Variants in FBN1 observed in about 807,000 individuals in gnomAD.
FBN1 encodes the protein fibrillin 1.
FBN1 carries 29 observed loss-of-function variants against 365.1 expected under a neutral mutation model. That is an observed-to-expected ratio of 0.08 (90% CI 0.06 to 0.11). FBN1 has a LOEUF of 0.11. Ranked by LOEUF, FBN1 falls within the 10% of genes least tolerant of loss-of-function variation. The pLI, the probability that FBN1 is intolerant of heterozygous loss-of-function variation, is 1.00. For synonymous variants in FBN1, 1,210 were observed against 1,270.5 expected (o/e 0.95, Z 1.01); for missense variants, 2,476 against 3,703.2 (o/e 0.67, Z 8.60).
At chr15:48,526,968 C>T (rs942864607) in intron 8 of FBN1, among the ~76,000 whole-genome samples, 1 of 152,234 alleles carries the variant, frequency 6.6e-6, no homozygotes, top group Non-Finnish European at 1.5e-5. Context: ...CCTTCCCAGG[C>T]ACCCGACACC....
At position 48,583,988 on chromosome 15, in the gene FBN1, T is replaced by C. The variant is rs201399246; in HGVS notation, c.538+12295A>G. Among the ~76,000 whole-genome samples, 14 of 152,262 alleles carry C rather than the reference T, an allele frequency of 9.2e-5. No homozygotes were observed. The East Asian group carries it at 1.3e-3, about 15-fold the overall frequency. ...TGTTCAAGTAAAATAACAAAACTTC[T>C]AAGTGGAAAAAATGGTCAAAATGAG... On this transcript the variant is annotated intron_variant, in intron 6 of 65. Transcript: ENST00000316623.
chr15:48,600,049 T>C, intron 5 of FBN1, 90 bp downstream of exon 5: 1 of 930,118 alleles, frequency 1.1e-6, no homozygotes. Flanking sequence ...TCCCAGGTAA[T>C]CGAAGAAAAT....
chr15:48,488,470 G>A lies in FBN1; in HGVS notation c.3106C>T (p.Pro1036Ser). 6.2e-7 allele frequency: 1 copy of A among 1,614,056 alleles called. No homozygotes were observed. Among genetic ancestry groups the A allele is most frequent in the East Asian group, 2.2e-5 (1 of 44,884 alleles). ...FKDINECKMI[P>S]SLCTHGKCRN... Reference sequence around the variant, plus strand: ...CACTTGCCGTGGGTGCAGAGGCTGGGTATCATCTTGCACTCATTGATATCT... The same window carrying A: ...CACTTGCCGTGGGTGCAGAGGCTGGATATCATCTTGCACTCATTGATATCT... Residue 1036 changes from proline to serine, a missense_variant, in exon 26 of 66, where the codon CCC becomes TCC. Coordinates refer to ENST00000316623, the MANE Select transcript of FBN1 (RefSeq NM_000138.5).
intron 53 of FBN1, among the ~76,000 whole-genome samples, chr15:48,435,692 A>ATG (rs1421576368): frequency 7.5e-6 from 1 of 133,312 alleles, no homozygotes; most frequent in African/African-American, 2.9e-5. Flanking sequence ...GTGTGTGTGC[A>ATG]TGTGTGTGTG....
chr15:48,453,864 G>T (rs77420063), intron 44 of FBN1, among the ~76,000 whole-genome samples: 1 of 151,812 alleles, frequency 6.6e-6, no homozygotes, highest in African/African-American at 2.4e-5. Context: ...AAGGAAGACC[G>T]AAAGTCCATT....
At chr15:48,543,161 A>T (rs2044071077) in intron 6 of FBN1, among the ~76,000 whole-genome samples, 1 of 152,220 alleles carries the variant, frequency 6.6e-6, no homozygotes, top group South Asian at 2.1e-4. Context: ...AGGAAGGTTG[A>T]TCATCCACTA....
Position 48,483,900 on chromosome 15 carries a change from A to G in FBN1, c.3756T>C (p.Gly1252=). ...ACTCTCCAGGGATATTTGTGCACTG[A>G]CCACCATCACAGATATTGGGATTAT... ...CEDNPNICDG[G]QCTNIPGEYR... Residue 1252 remains glycine (G), a synonymous_variant, in exon 31 of 66, where the codon GGT becomes GGC. Transcript: ENST00000316623. 6.2e-7 allele frequency: 1 copy of G among 1,613,512 alleles called. No homozygotes were observed. Among genetic ancestry groups the G allele is most frequent in the Non-Finnish European group, 8.5e-7 (1 of 1,179,842 alleles).
At position 48,495,458 on chromosome 15, in the gene FBN1, A is replaced by G. The variant is rs1566911690; in HGVS notation, c.2539+11T>C. ...TAAACATAGAAAAATCATTCTCAGA[A>G]AGATAAATACCTATGCAGATGGTTT... On this transcript the variant is annotated intron_variant, in intron 21 of 65. Coordinates refer to ENST00000316623, the MANE Select transcript of FBN1 (RefSeq NM_000138.5). The G allele has an allele frequency of 2.5e-6, 4 of 1,612,328 alleles. No homozygotes were observed. The East Asian group carries it at 8.9e-5, about 36-fold the overall frequency.
At position 48,440,889 on chromosome 15, in the gene FBN1, C is replaced by CA. The variant is rs370399161; in HGVS notation, c.6163+831dup. 8.9e-3 allele frequency among the ~76,000 whole-genome samples: 730 copies of CA among 81,566 alleles called. 4 individuals are homozygous for CA. The highest frequency in any genetic ancestry group is 0.03 in the African/African-American group (702 of 23,632). The allele number at this position is 81,566 out of a possible 152,430, so 53.5% of individuals were successfully genotyped here. A position where few individuals can be genotyped will look rare whatever the true frequency, so the allele number is the denominator to read the frequency against. On this transcript the variant is annotated intron_variant, in intron 50 of 65. Transcript: ENST00000316623. Reference sequence around the variant, plus strand: ...ATATTTGGTAATACGGAAGCAAAACCAAAAAACCATGAAAAAAAAAAAAAA... The same window carrying CA: ...ATATTTGGTAATACGGAAGCAAAACCAAAAAAACCATGAAAAAAAAAAAAAA...
At position 48,635,592 on chromosome 15, in the gene FBN1, G is replaced by A. The variant is rs74014658; in HGVS notation, c.164+9014C>T. On this transcript the variant is annotated intron_variant, in intron 2 of 65. Coordinates refer to ENST00000316623, the MANE Select transcript of FBN1 (RefSeq NM_000138.5). Reference sequence around the variant, plus strand: ...ACATTTGAGGCTATAAATAGAAATTGAAAATAAAATTCCATACAGAAGAAA... The same window carrying A: ...ACATTTGAGGCTATAAATAGAAATTAAAAATAAAATTCCATACAGAAGAAA... Among the ~76,000 whole-genome samples the A allele has an allele frequency of 9.9e-3, 1,502 of 152,188 alleles. 24 individuals are homozygous for A. The highest frequency in any genetic ancestry group is 0.035 in the African/African-American group (1,442 of 41,530).
chr15:48,634,862 C>A (rs868713307), intron 2 of FBN1, among the ~76,000 whole-genome samples: 7 of 59,518 alleles, frequency 1.2e-4, no homozygotes, highest in African/African-American at 7.7e-4. Flanking sequence ...AAAAACCACA[C>A]ACACACACAC....
At chr15:48,445,567 T>G (rs2043152413) in intron 47 of FBN1, 63 bp from the exon 48 acceptor site, 1 of 1,564,364 alleles carries the variant, frequency 6.4e-7, no homozygotes, top group Non-Finnish European at 8.8e-7. Flanking sequence ...CCAGCAATAA[T>G]CAAAACTTCT....
intron 2 of FBN1, 148 bp from the exon 3 acceptor site, chr15:48,613,240 G>T: frequency 1.5e-6 from 1 of 685,542 alleles, no homozygotes; most frequent in Non-Finnish European, 2.6e-6. Context: ...TCAATGCTGG[G>T]TTGGTAGCTT....
chr15:48,533,267 T>C (rs1053330479), intron 8 of FBN1, among the ~76,000 whole-genome samples: 7 of 152,244 alleles, frequency 4.6e-5, no homozygotes, highest in Non-Finnish European at 8.8e-5. Flanking sequence ...TCTTCTGATC[T>C]TGATGAGAGA....
chr15:48,605,488 C>T (rs73394284), intron 4 of FBN1, among the ~76,000 whole-genome samples: 1 of 152,034 alleles, frequency 6.6e-6, no homozygotes, highest in African/African-American at 2.4e-5. Flanking sequence ...AAAATGCCTG[C>T]AAATAACATA....
intron 34 of FBN1, among the ~76,000 whole-genome samples, chr15:48,473,300 C>T (rs928185804): frequency 6.6e-6 from 1 of 152,152 alleles, no homozygotes; most frequent in African/African-American, 2.4e-5. Context: ...GCCTTAGCCT[C>T]TATTGTGCTT....
chr15:48,458,552 G>A (rs1433983262), intron 43 of FBN1, among the ~76,000 whole-genome samples: 2 of 151,984 alleles, frequency 1.3e-5, no homozygotes, highest in Admixed American at 6.6e-5. Context: ...ATTCAGTGTG[G>A]GTTAGAACAC....
At chr15:48,542,781 ATGTGTGTGTG>A (rs58728910) in intron 6 of FBN1, among the ~76,000 whole-genome samples, 50,515 of 130,478 alleles carry the variant, frequency 0.39, 11,203 homozygotes, top group Middle Eastern at 0.57. Context: ...GGACTCTAAG[ATGTGTGTGTG>A]TGTGTGTGTG....
At chr15:48,575,412 TG>T (rs1173862546) in intron 6 of FBN1, among the ~76,000 whole-genome samples, 1 of 152,172 alleles carries the variant, frequency 6.6e-6, no homozygotes, top group Non-Finnish European at 1.5e-5. Flanking sequence ...TATTGCATAA[TG>T]GCAAACTCTG....
Sources: gnomAD v4.1 joint callset for allele counts (sites outside exome capture counted in the v4.1 genomes callset) on GRCh38, gnomAD v4.1.1 for gene constraint, MANE v1.5 for transcripts, NCBI Gene and HGNC (gene_info 2026-07-23, HGNC 2026-07-21) for gene names.